UGGT2: variants seen among roughly 807,000 people sequenced by gnomAD.
UGGT2 encodes the protein UDP-glucose:glycoprotein glucosyltransferase 2.
Under a neutral mutation model 192.1 loss-of-function variants are expected in UGGT2, and 180 were observed. The observed-to-expected ratio is 0.94, with a 90% CI of 0.83 to 1.06. UGGT2 has a LOEUF of 1.06. Among genes scored for constraint, UGGT2 ranks in the 50% least tolerant of loss-of-function variants. UGGT2 has a pLI of 0.00. For missense variants in UGGT2, 1,849 were observed against 1,795.7 expected (o/e 1.03, Z -0.54); for synonymous variants, 580 against 591.0 (o/e 0.98, Z 0.27).
chr13:95,925,044 TTA>T (rs2048976046), intron 20 of UGGT2, among the ~76,000 whole-genome samples: 3 of 152,218 alleles, frequency 2.0e-5, no homozygotes, highest in Admixed American at 1.3e-4. Flanking sequence ...AGCAATAAAT[TTA>T]TACTTAGCTA....
intron 15 of UGGT2, among the ~76,000 whole-genome samples, chr13:95,942,121 T>G (rs758074965): frequency 7.0e-5 from 9 of 129,004 alleles, no homozygotes; most frequent in Admixed American, 4.5e-4. Flanking sequence ...TACTGATATG[T>G]ATATTTGTGT....
chr13:95,802,417 T>C (rs749556743), intron 38 of UGGT2, among the ~76,000 whole-genome samples: 5 of 152,206 alleles, frequency 3.3e-5, no homozygotes, highest in Non-Finnish European at 7.3e-5. Flanking sequence ...TTTAAATGCA[T>C]GCTGTTCCAC....
At chr13:95,898,989 C>CGA (rs1241940016) in intron 22 of UGGT2, among the ~76,000 whole-genome samples, 1 of 152,148 alleles carries the variant, frequency 6.6e-6, no homozygotes, top group Non-Finnish European at 1.5e-5. Context: ...GTGGCCAGTG[C>CGA]GATAGCACTG....
chr13:95,928,819 G>C, intron 17 of UGGT2, among the ~76,000 whole-genome samples: 1 of 152,282 alleles, frequency 6.6e-6, no homozygotes, highest in East Asian at 1.9e-4. Flanking sequence ...CTGCAATCTC[G>C]GCACTTTGGG....
intron 38 of UGGT2, among the ~76,000 whole-genome samples, chr13:95,828,881 G>T (rs1444880428): frequency 6.6e-6 from 1 of 152,090 alleles, no homozygotes; most frequent in Non-Finnish European, 1.5e-5. Context: ...GATAATTTTA[G>T]ACCAATATCC....
intron 25 of UGGT2, 117 bp downstream of exon 25, chr13:95,890,745 A>G: frequency 2.6e-6 from 2 of 756,834 alleles, no homozygotes; most frequent in Non-Finnish European, 2.2e-6. Flanking sequence ...GAAATATGAC[A>G]CTCTATTAAA....
intron 38 of UGGT2, chr13:95,832,641 CCTTTTA>C (rs1341229238): frequency 8.5e-6 from 4 of 468,240 alleles, no homozygotes; most frequent in African/African-American, 5.9e-5. Flanking sequence ...GACAAACACT[CCTTTTA>C]CTTTTATTTT....
intron 5 of UGGT2, among the ~76,000 whole-genome samples, chr13:96,010,311 C>T (rs1388093848): frequency 6.6e-6 from 1 of 152,012 alleles, no homozygotes; most frequent in Non-Finnish European, 1.5e-5. Context: ...CAGTGCATGC[C>T]GGGCTTAATT....
chr13:95,908,180 G>A (rs971392674), intron 20 of UGGT2, among the ~76,000 whole-genome samples: 1 of 152,182 alleles, frequency 6.6e-6, no homozygotes. Context: ...GAAATAAAGT[G>A]AGAAGACAAG....
intron 12 of UGGT2, among the ~76,000 whole-genome samples, chr13:95,950,960 T>C (rs2050042318): frequency 6.6e-6 from 1 of 152,048 alleles, no homozygotes; most frequent in Non-Finnish European, 1.5e-5. Context: ...TATAGGTAAC[T>C]AAAAATCCAA....
intron 30 of UGGT2, among the ~76,000 whole-genome samples, chr13:95,865,508 A>G (rs1424704045): frequency 1.3e-5 from 2 of 152,134 alleles, no homozygotes; most frequent in Non-Finnish European, 1.5e-5. Flanking sequence ...ACACACAAAC[A>G]TAAAAATTAG....
intron 5 of UGGT2, among the ~76,000 whole-genome samples, chr13:96,010,110 A>G (rs1226596975): frequency 1.3e-5 from 2 of 152,178 alleles, no homozygotes; most frequent in Non-Finnish European, 2.9e-5. Flanking sequence ...TAGAACTACC[A>G]TTTGACCCAG....
At chr13:95,898,549 A>G (rs1382604453) in intron 22 of UGGT2, among the ~76,000 whole-genome samples, 2 of 152,072 alleles carry the variant, frequency 1.3e-5, no homozygotes, top group Non-Finnish European at 1.5e-5. Context: ...TGACACTGCT[A>G]TGAATGTGCT....
At chr13:96,023,608 A>G in intron 3 of UGGT2, 21 bp downstream of exon 3, 1 of 1,598,200 alleles carries the variant, frequency 6.3e-7, no homozygotes, top group Non-Finnish European at 8.5e-7. Flanking sequence ...TGTCAAATAC[A>G]GATTGGGTAT....
chr13:96,053,199 G>A lies in UGGT2; in HGVS notation c.114C>T (p.His38=). 6.5e-7 allele frequency: 1 copy of A among 1,529,290 alleles called. No homozygotes were observed. Among genetic ancestry groups the A allele is most frequent in the Non-Finnish European group, 8.7e-7 (1 of 1,144,594 alleles). 94.7% of individuals were successfully genotyped at this position (1,529,290 alleles called of 1,614,324 possible). The change falls in exon 1 of 39, where the codon CAC becomes CAT. Residue 38 remains histidine, a synonymous_variant. Coordinates refer to ENST00000376747, the MANE Select transcript of UGGT2 (RefSeq NM_020121.4). The part of the protein sequence containing the change: ...TVAASKSVTA[H]LAAKWPETPL... ...GGGTCTCGGGCCACTTCGCGGCCAA[G>A]TGGGCAGTCACCGACTTGGACGCGG...
rs1451849356 is a variant in UGGT2, at chr13:95,961,290, A to G, written c.1335+8822T>C. 1.3e-5 allele frequency among the ~76,000 whole-genome samples: 2 copies of G among 152,220 alleles called. 1 individual carries two copies. Among genetic ancestry groups the G allele is most frequent in the Admixed American group, 1.3e-4 (2 of 15,282 alleles). On this transcript the variant is annotated intron_variant, in intron 12 of 38. Coordinates refer to ENST00000376747, the MANE Select transcript of UGGT2 (RefSeq NM_020121.4). Reference sequence around the variant, plus strand: ...TGAATGTAAATGAATTAAACTTTACACTTAGAAGATACAGACTGGCTGAAT... The same window carrying G: ...TGAATGTAAATGAATTAAACTTTACGCTTAGAAGATACAGACTGGCTGAAT...
rs1026889688 is a variant in UGGT2, at chr13:96,012,463, T to C, written c.660+844A>G. On this transcript the variant is annotated intron_variant, in intron 5 of 38. Coordinates refer to ENST00000376747, the MANE Select transcript of UGGT2 (RefSeq NM_020121.4). The stretch of plus-strand genomic sequence containing the variant: ...TTAAAAAAAATCAGAAGACCAGAAA[T>C]GCACTAGGAGAAGATACTGCGAAGT... Among the ~76,000 whole-genome samples, 5 of 151,750 alleles carry C rather than the reference T, an allele frequency of 3.3e-5. No homozygotes were observed. In the East Asian group the frequency reaches 5.8e-4, roughly 18 times the overall value.
intron 22 of UGGT2, among the ~76,000 whole-genome samples, chr13:95,898,644 G>C (rs544736715): frequency 1.3e-5 from 2 of 152,220 alleles, no homozygotes; most frequent in Non-Finnish European, 2.9e-5. Flanking sequence ...GGGCCTAATG[G>C]GAGGTGTTTA....
intron 16 of UGGT2, among the ~76,000 whole-genome samples, chr13:95,939,008 A>C (rs1280686054): frequency 1.3e-5 from 2 of 152,132 alleles, no homozygotes; most frequent in Admixed American, 1.3e-4. Flanking sequence ...TTCACTACTT[A>C]ATGCCTTTCA....
Sources: allele counts gnomAD v4.1 joint callset (sites outside exome capture counted in the v4.1 genomes callset), GRCh38; gene constraint gnomAD v4.1.1; transcripts MANE v1.5; gene names NCBI Gene and HGNC (gene_info 2026-07-23, HGNC 2026-07-21).